CEP162: variants seen among roughly 807,000 people sequenced by gnomAD.
The protein encoded by CEP162 is centrosomal protein of 162 kDa.
Under a neutral mutation model 169.2 loss-of-function variants are expected in CEP162, and 141 were observed. That is an observed-to-expected ratio of 0.83 (90% CI 0.73 to 0.96). CEP162 has a LOEUF of 0.96. Ranked by LOEUF, CEP162 falls within the 40% of genes least tolerant of loss-of-function variation. The pLI, the probability that CEP162 is intolerant of heterozygous loss-of-function variation, is 0.00. For missense variants in CEP162, 1,600 were observed against 1,587.2 expected (o/e 1.01, Z -0.14); for synonymous variants, 540 against 526.4 (o/e 1.03, Z -0.35).
chr6:84,156,042 T>C (rs1222164770), intron 21 of CEP162, among the ~76,000 whole-genome samples: 2 of 151,952 alleles, frequency 1.3e-5, no homozygotes, highest in African/African-American at 4.8e-5. Flanking sequence ...CATAGATCAA[T>C]GGAACAGAAT....
At chr6:84,127,477 G>C (rs1254656427) in intron 25 of CEP162, among the ~76,000 whole-genome samples, 1 of 152,102 alleles carries the variant, frequency 6.6e-6, no homozygotes, top group African/African-American at 2.4e-5. Context: ...AATTGGGATG[G>C]TTTGCAGAGA....
chr6:84,174,970 A>T lies in CEP162; in HGVS notation c.1798-16T>A. 2 of 1,473,008 alleles carry T rather than the reference A, an allele frequency of 1.4e-6. No individual in the cohort carries two copies. Among genetic ancestry groups the T allele is most frequent in the Non-Finnish European group, 1.9e-6 (2 of 1,070,820 alleles). 91.2% of individuals were successfully genotyped at this position (1,473,008 alleles called of 1,614,324 possible). On this transcript the variant is annotated splice_polypyrimidine_tract_variant and intron_variant, in intron 14 of 26. Coordinates refer to ENST00000403245, the MANE Select transcript of CEP162 (RefSeq NM_014895.4). The stretch of plus-strand genomic sequence containing the variant: ...CTAAGGAATCCTTTCAAGACAAAGC[A>T]TTACTTCATTACAGTAGACTTATGT...
rs190995116 is a variant in CEP162, at chr6:84,193,671, C to T, written c.1047G>A (p.Glu349=). Residue 349 remains glutamate (E), a synonymous_variant, in exon 11 of 27, where the codon GAG becomes GAA. Transcript: ENST00000403245. ...AATCTATTCTGATAGGTTTCATCAG[C>T]TCCTCTACTGTGGGCAGATCTAAGA... The part of the protein sequence containing the change: ...TMESDLPTVE[E]LMKPIRIDSF... The T allele has an allele frequency of 4.1e-5, 65 of 1,566,918 alleles. 3 individuals are homozygous for T. In the South Asian group the frequency reaches 5.8e-4, roughly 14 times the overall value.
intron 25 of CEP162, among the ~76,000 whole-genome samples, chr6:84,136,372 C>T (rs1588703025): frequency 1.3e-5 from 2 of 152,180 alleles, no homozygotes; most frequent in Middle Eastern, 3.2e-3. Context: ...TAACCCATGA[C>T]AGAAGGGCAG....
chr6:84,182,018 T>C (rs983339828), intron 13 of CEP162, among the ~76,000 whole-genome samples: 6 of 152,096 alleles, frequency 3.9e-5, no homozygotes, highest in African/African-American at 1.4e-4. Context: ...ATACAATTTC[T>C]TAGGAAGAAA....
At position 84,183,755 on chromosome 6, in the gene CEP162, T is replaced by C. The variant is rs180892674; in HGVS notation, c.1663+1432A>G. Among the ~76,000 whole-genome samples, 7 of 152,266 alleles carry C rather than the reference T, an allele frequency of 4.6e-5. No individual in the cohort carries two copies. In the East Asian group the frequency reaches 1.3e-3, roughly 29 times the overall value. On this transcript the variant is annotated intron_variant, in intron 13 of 26. Coordinates refer to ENST00000403245, the MANE Select transcript of CEP162 (RefSeq NM_014895.4). The stretch of plus-strand genomic sequence containing the variant: ...CAACTGTTTTACTAAGTACACTTGG[T>C]TAAACAGTTGGTTAAACAAGTTGGT...
rs144004798 is a variant in CEP162, at chr6:84,185,067, TG to T, written c.1663+119del. The T allele has an allele frequency of 1.1e-3, 968 of 849,608 alleles. 4 individuals carry two copies. The African/African-American group carries it at 0.014, about 12-fold the overall frequency. The allele number at this position is 849,608 out of a possible 1,614,324, so 52.6% of individuals were successfully genotyped here. On this transcript the variant is annotated intron_variant, in intron 13 of 26. Transcript: ENST00000403245. ...TTCATCACCTACACTGCCACCACCC[TG>T]GGTCAAGCCCTGTTGCCTCCTGCAA...
At chr6:84,163,118 T>C in intron 19 of CEP162, 26 bp downstream of exon 19, 2 of 1,606,348 alleles carry the variant, frequency 1.2e-6, no homozygotes, top group East Asian at 2.2e-5. Flanking sequence ...ATTATAAAGG[T>C]ACACTGTTTC....
rs2099536670 is a variant in CEP162, at chr6:84,185,333, A to G, written c.1517T>C (p.Leu506Ser). Residue 506 changes from leucine to serine, a missense_variant, in exon 13 of 27, where the codon TTA becomes TCA. Leu to Ser is a moderately radical substitution (Grantham distance 145). Transcript: ENST00000403245. ...PLLKRKPQSG[L>S]YASVRSSGYG... ...GCCTGAGCTCCTAACTGACGCATAT[A>G]ATCCACTCTGGGGTTTCCTTTTAAG... is the stretch of plus-strand genomic sequence containing the variant. 1 of 1,613,524 alleles carries G rather than the reference A, an allele frequency of 6.2e-7. No homozygotes were observed. Among genetic ancestry groups the G allele is most frequent in the African/African-American group, 1.3e-5 (1 of 74,888 alleles).
chr6:84,131,150 T>C (rs755907111), intron 25 of CEP162, among the ~76,000 whole-genome samples: 7 of 152,206 alleles, frequency 4.6e-5, no homozygotes, highest in Non-Finnish European at 8.8e-5. Flanking sequence ...TCAGTTTCCA[T>C]GTAGTTGTGC....
chr6:84,209,958 A>G (rs1013986167), intron 6 of CEP162, among the ~76,000 whole-genome samples: 1 of 152,206 alleles, frequency 6.6e-6, no homozygotes, highest in Non-Finnish European at 1.5e-5. Context: ...AAAGGAAAAC[A>G]GCACATGTCA....
intron 25 of CEP162, among the ~76,000 whole-genome samples, chr6:84,139,972 T>C: frequency 9.7e-6 from 1 of 103,106 alleles, no homozygotes; most frequent in African/African-American, 1.4e-4. Flanking sequence ...GGTGTCTGTT[T>C]AGACAAACTT....
chr6:84,195,931 T>C (rs2099541955), intron 9 of CEP162, among the ~76,000 whole-genome samples: 1 of 152,220 alleles, frequency 6.6e-6, no homozygotes, highest in African/African-American at 2.4e-5. Context: ...GACATCTAGA[T>C]TGCTCTATAT....
Position 84,204,116 on chromosome 6 carries a change from A to C in CEP162, c.572-20T>G, listed in dbSNP as rs757924808. 7.0e-7 allele frequency: 1 copy of C among 1,434,878 alleles called. No individual in the cohort carries two copies. The allele number at this position is 1,434,878 out of a possible 1,614,324, so 88.9% of individuals were successfully genotyped here. On this transcript the variant is annotated intron_variant, in intron 6 of 26. Coordinates refer to ENST00000403245, the MANE Select transcript of CEP162 (RefSeq NM_014895.4). ...AATTTTCTGAAGAAAGTAATTTTTA[A>C]AAGTACAAAGACCACATTGTTAAAA...
At chr6:84,184,692 T>A (rs2099536341) in intron 13 of CEP162, among the ~76,000 whole-genome samples, 1 of 152,038 alleles carries the variant, frequency 6.6e-6, no homozygotes, top group African/African-American at 2.4e-5. Context: ...GGCCTTGGCT[T>A]GCTCCTTTCC....
intron 11 of CEP162, among the ~76,000 whole-genome samples, chr6:84,189,351 T>C (rs1282512855): frequency 6.6e-6 from 1 of 152,130 alleles, no homozygotes; most frequent in African/African-American, 2.4e-5. Context: ...CTCCCTCAGC[T>C]TGCAGGGAGG....
At chr6:84,213,707 G>C (rs1281277616) in intron 5 of CEP162, among the ~76,000 whole-genome samples, 1 of 152,198 alleles carries the variant, frequency 6.6e-6, no homozygotes, top group African/African-American at 2.4e-5. Context: ...TGACCGGCCT[G>C]TTCTACAGCA....
intron 2 of CEP162, among the ~76,000 whole-genome samples, chr6:84,225,605 T>C (rs2127761047): frequency 6.6e-6 from 1 of 152,240 alleles, no homozygotes; most frequent in East Asian, 1.9e-4. Flanking sequence ...GACATAGTAG[T>C]GAACATGTTG....
chr6:84,160,444 T>A (rs2099525302), intron 21 of CEP162, among the ~76,000 whole-genome samples: 1 of 152,056 alleles, frequency 6.6e-6, no homozygotes, highest in South Asian at 2.1e-4. Flanking sequence ...ACCAGCATGT[T>A]CCCAACTCAG....
Sources: allele counts gnomAD v4.1 joint callset (sites outside exome capture counted in the v4.1 genomes callset), GRCh38; gene constraint gnomAD v4.1.1; transcripts MANE v1.5; gene names NCBI Gene and HGNC (gene_info 2026-07-23, HGNC 2026-07-21).